NEGR1: variants seen among roughly 807,000 people sequenced by gnomAD.
The protein encoded by NEGR1 is neuronal growth regulator 1, also known as IgLON family member 4.
A neutral mutation model predicts 40.9 loss-of-function variants in NEGR1; 10 were observed. That is an observed-to-expected ratio of 0.24 (90% CI 0.15 to 0.42). The LOEUF (loss-of-function observed/expected upper bound fraction) is 0.42, where lower values mean the gene tolerates loss of function less well. Among genes scored for constraint, NEGR1 ranks in the 10% least tolerant of loss-of-function variants. NEGR1 has a pLI of 1.00. For missense variants in NEGR1, 352 were observed against 438.9 expected (o/e 0.80, Z 1.77); for synonymous variants, 185 against 166.8 (o/e 1.11, Z -0.84).
At chr1:71,561,179 G>A (rs900202182) in intron 6 of NEGR1, among the ~76,000 whole-genome samples, 1 of 151,488 alleles carries the variant, frequency 6.6e-6, no homozygotes, top group South Asian at 2.1e-4. Flanking sequence ...TAGCCAATAC[G>A]GAGACCAAGG....
At chr1:71,691,591 A>C (rs530012468) in intron 4 of NEGR1, among the ~76,000 whole-genome samples, 116 of 151,972 alleles carry the variant, frequency 7.6e-4, no homozygotes, top group Admixed American at 2.6e-3. Flanking sequence ...AAAGTATTTA[A>C]ATTCATTTGA....
At chr1:71,715,721 C>T (rs900351608) in intron 3 of NEGR1, among the ~76,000 whole-genome samples, 6 of 152,158 alleles carry the variant, frequency 3.9e-5, no homozygotes, top group African/African-American at 1.4e-4. Flanking sequence ...TATTACAATT[C>T]CCAACAGGTT....
At chr1:72,160,872 T>C (rs1651530783) in intron 1 of NEGR1, among the ~76,000 whole-genome samples, 2 of 152,172 alleles carry the variant, frequency 1.3e-5, no homozygotes, top group Non-Finnish European at 2.9e-5. Flanking sequence ...TTTTAATTTT[T>C]GTTGTCAATC....
intron 1 of NEGR1, among the ~76,000 whole-genome samples, chr1:72,208,319 A>C (rs552226406): frequency 6.6e-6 from 1 of 151,858 alleles, no homozygotes; most frequent in Admixed American, 6.6e-5. Flanking sequence ...CTATACCATT[A>C]GTTTTATGCC....
rs557319933 is a variant in NEGR1, at chr1:71,941,470, T to C, written c.177-6159A>G. On this transcript the variant is annotated intron_variant, in intron 1 of 6. Transcript: ENST00000357731. ...AATAATATCACTTTATATAATCTTA[T>C]GATTGACAATATTTAAAATTCTCTT... 3.3e-5 allele frequency among the ~76,000 whole-genome samples: 5 copies of C among 152,294 alleles called. No individual in the cohort carries two copies. In the South Asian group the frequency reaches 1.0e-3, roughly 32 times the overall value.
At chr1:71,799,518 T>C (rs1657476968) in intron 2 of NEGR1, among the ~76,000 whole-genome samples, 1 of 152,178 alleles carries the variant, frequency 6.6e-6, no homozygotes. Flanking sequence ...TGAGCATGTG[T>C]CTTTTTGGTG....
intron 2 of NEGR1, among the ~76,000 whole-genome samples, chr1:71,915,642 T>G (rs1411539322): frequency 6.6e-6 from 1 of 152,130 alleles, no homozygotes; most frequent in East Asian, 1.9e-4. Flanking sequence ...TGGGTTAATA[T>G]AGCTCCTAAG....
At chr1:71,939,784 G>GA (rs149669259) in intron 1 of NEGR1, among the ~76,000 whole-genome samples, 17,643 of 152,144 alleles carry the variant, frequency 0.12, 1,111 homozygotes, top group Middle Eastern at 0.22. Context: ...CTACACTTCC[G>GA]AAACCCTTTT....
At chr1:71,494,881 C>G (rs996613307) in intron 6 of NEGR1, among the ~76,000 whole-genome samples, 19 of 152,088 alleles carry the variant, frequency 1.2e-4, no homozygotes, top group African/African-American at 4.6e-4. Context: ...TTATATCTGC[C>G]TCTGTCACCC....
intron 2 of NEGR1, among the ~76,000 whole-genome samples, chr1:71,918,955 T>C (rs1229140109): frequency 6.6e-6 from 1 of 152,208 alleles, no homozygotes; most frequent in Non-Finnish European, 1.5e-5. Context: ...ATAGAATTTT[T>C]CCAGATGGAG....
At chr1:72,251,407 A>G (rs1187654027) in intron 1 of NEGR1, among the ~76,000 whole-genome samples, 2 of 152,198 alleles carry the variant, frequency 1.3e-5, no homozygotes, top group African/African-American at 4.8e-5. Context: ...TATTTCAGAA[A>G]CAGACTTACT....
intron 2 of NEGR1, among the ~76,000 whole-genome samples, chr1:71,917,670 T>A (rs890373976): frequency 6.7e-6 from 1 of 150,146 alleles, no homozygotes; most frequent in Admixed American, 6.6e-5. Flanking sequence ...CGCCAGCTAC[T>A]CGGAGAGGCT....
chr1:72,091,376 G>A (rs879645777), intron 1 of NEGR1, among the ~76,000 whole-genome samples: 12 of 60,354 alleles, frequency 2.0e-4, no homozygotes, highest in East Asian at 1.1e-3. Context: ...CCCTCCCTCC[G>A]TTCCTCCTTT....
intron 6 of NEGR1, among the ~76,000 whole-genome samples, chr1:71,475,701 A>G (rs1569919428): frequency 6.6e-6 from 1 of 152,152 alleles, no homozygotes; most frequent in South Asian, 2.1e-4. Flanking sequence ...ATTCCTAAGA[A>G]GGTCGTTAGG....
chr1:72,049,185 C>A (rs558511753), intron 1 of NEGR1, among the ~76,000 whole-genome samples: 2 of 151,220 alleles, frequency 1.3e-5, no homozygotes, highest in Admixed American at 1.3e-4. Flanking sequence ...AATAATAATG[C>A]AAAAAATTAG....
intron 2 of NEGR1, among the ~76,000 whole-genome samples, chr1:71,827,002 C>T (rs943987414): frequency 2.0e-5 from 3 of 151,626 alleles, no homozygotes; most frequent in East Asian, 2.0e-4. Flanking sequence ...AATAATAGGG[C>T]CTTTAGCAAG....
chr1:71,900,277 T>C (rs1661108800), intron 2 of NEGR1, among the ~76,000 whole-genome samples: 1 of 152,196 alleles, frequency 6.6e-6, no homozygotes, highest in Admixed American at 6.5e-5. Context: ...TTTAAAAGTA[T>C]AATAACCAAT....
At chr1:71,938,655 C>T (rs1006548737) in intron 1 of NEGR1, among the ~76,000 whole-genome samples, 2 of 151,792 alleles carry the variant, frequency 1.3e-5, no homozygotes, top group African/African-American at 2.4e-5. Flanking sequence ...TATTTTTGTA[C>T]TCTTTGGGTA....
chr1:72,013,250 G>A (rs1282760825), intron 1 of NEGR1, among the ~76,000 whole-genome samples: 1 of 152,074 alleles, frequency 6.6e-6, no homozygotes, highest in East Asian at 1.9e-4. Context: ...CCATCCAGAT[G>A]TGGTTACATT....
Sources: gnomAD v4.1 joint callset for allele counts (sites outside exome capture counted in the v4.1 genomes callset) on GRCh38, gnomAD v4.1.1 for gene constraint, MANE v1.5 for transcripts, NCBI Gene and HGNC (gene_info 2026-07-23, HGNC 2026-07-21) for gene names.